BCAR3: variants seen among roughly 807,000 people sequenced by gnomAD.
The protein encoded by BCAR3 is BCAR3 adaptor protein, NSP family member.
In BCAR3, 37 loss-of-function variants were observed where a neutral mutation model predicts 80.1. The observed-to-expected ratio is 0.46, with a 90% CI of 0.36 to 0.61. The LOEUF (loss-of-function observed/expected upper bound fraction) is 0.61. Ranked by LOEUF, BCAR3 falls within the 20% of genes least tolerant of loss-of-function variation. The pLI is 0.00. For synonymous variants in BCAR3, 389 were observed against 418.9 expected, an observed-to-expected ratio of 0.93 and a Z score of 0.87; for missense variants, 978 against 1,068.2, an observed-to-expected ratio of 0.92 and a Z score of 1.18.
At chr1:93,800,042 T>G (rs183193886) in intron 2 of BCAR3, among the ~76,000 whole-genome samples, 272 of 152,286 alleles carry the variant, frequency 1.8e-3, no homozygotes, top group Non-Finnish European at 3.0e-3. Flanking sequence ...CCTATTAGAT[T>G]TTCATGCTGG....
chr1:93,634,722 A>AC (rs1008781242), intron 3 of BCAR3, among the ~76,000 whole-genome samples: 11 of 132,086 alleles, frequency 8.3e-5, no homozygotes, highest in Admixed American at 1.4e-4. Flanking sequence ...AACAACAACA[A>AC]AAAAAAAACG....
At chr1:93,608,378 C>T (rs144934667) in intron 3 of BCAR3, among the ~76,000 whole-genome samples, 70 of 152,296 alleles carry the variant, frequency 4.6e-4, no homozygotes, top group South Asian at 1.9e-3. Context: ...CCAAGATACC[C>T]ATCAGCTAAA....
At chr1:93,630,434 G>T (rs1188579497) in intron 3 of BCAR3, among the ~76,000 whole-genome samples, 1 of 151,668 alleles carries the variant, frequency 6.6e-6, no homozygotes, top group Non-Finnish European at 1.5e-5. Flanking sequence ...GACCAGCCTG[G>T]CCAACATGAT....
chr1:93,597,386 A>G (rs1309905867), intron 3 of BCAR3, among the ~76,000 whole-genome samples: 2 of 152,212 alleles, frequency 1.3e-5, no homozygotes, highest in Non-Finnish European at 2.9e-5. Context: ...TGAAAATCTG[A>G]GTCTAGCTAC....
intron 11 of BCAR3, among the ~76,000 whole-genome samples, chr1:93,564,184 A>AAG (rs1204138191): frequency 1.3e-5 from 2 of 152,146 alleles, no homozygotes; most frequent in East Asian, 3.9e-4. Context: ...ACTGAGTTGT[A>AAG]AGAGTTCTTT....
At chr1:93,643,578 A>T (rs950989899) in intron 2 of BCAR3, among the ~76,000 whole-genome samples, 2 of 149,438 alleles carry the variant, frequency 1.3e-5, no homozygotes, top group Non-Finnish European at 3.0e-5. Context: ...AAAAAAAGAA[A>T]TTTTTTTAAA....
intron 3 of BCAR3, among the ~76,000 whole-genome samples, chr1:93,633,006 C>T (rs575471684): frequency 1.3e-4 from 20 of 151,718 alleles, no homozygotes; most frequent in Non-Finnish European, 2.6e-4. Context: ...GCAACAAGAG[C>T]GAAACTCCAC....
At chr1:93,593,344 C>T (rs923431288) in intron 3 of BCAR3, among the ~76,000 whole-genome samples, 2 of 152,168 alleles carry the variant, frequency 1.3e-5, no homozygotes, top group East Asian at 3.9e-4. Context: ...TATCACACTA[C>T]TTTTTAAAAA....
chr1:93,748,690 A>G (rs1455738766), intron 2 of BCAR3, among the ~76,000 whole-genome samples: 2 of 152,216 alleles, frequency 1.3e-5, no homozygotes, highest in South Asian at 2.1e-4. Flanking sequence ...TGACCTATAT[A>G]TTCTTATTGT....
At chr1:93,666,039 C>CT (rs1488200011) in intron 2 of BCAR3, among the ~76,000 whole-genome samples, 1 of 152,216 alleles carries the variant, frequency 6.6e-6, no homozygotes, top group East Asian at 1.9e-4. Flanking sequence ...GCTCCCTGTA[C>CT]TTTTACAACC....
chr1:93,576,254 T>C, intron 7 of BCAR3, 125 bp from the exon 8 acceptor site: 1 of 698,050 alleles, frequency 1.4e-6, no homozygotes, highest in Non-Finnish European at 2.6e-6. Flanking sequence ...TACATTTCTT[T>C]ATAAGCAGCT....
intron 1 of BCAR3, chr1:93,846,901 C>T: frequency 2.3e-6 from 1 of 440,862 alleles, no homozygotes; most frequent in Non-Finnish European, 4.5e-6. Flanking sequence ...CTGTGGGGAG[C>T]GAAATGCAAC....
intron 2 of BCAR3, among the ~76,000 whole-genome samples, chr1:93,738,529 C>T (rs1019969054): frequency 8.5e-5 from 13 of 152,236 alleles, no homozygotes; most frequent in African/African-American, 2.9e-4. Context: ...CACAGAGGTC[C>T]CGGCAGAGCT....
intron 2 of BCAR3, among the ~76,000 whole-genome samples, chr1:93,658,216 G>A (rs1647483063): frequency 6.6e-6 from 1 of 152,182 alleles, no homozygotes; most frequent in African/African-American, 2.4e-5. Flanking sequence ...TAGGATTACA[G>A]GCTTGAGCCA....
rs113611495 is a variant in BCAR3 at position 93,818,669 on chromosome 1, T to C, written c.-63+26898A>G. 9.1e-4 allele frequency among the ~76,000 whole-genome samples: 139 copies of C among 152,346 alleles called. 3 individuals are homozygous for C. The highest frequency in any genetic ancestry group is 3.2e-3 in the African/African-American group (134 of 41,588). On this transcript the variant is annotated intron_variant, in intron 2 of 13. Coordinates refer to the BCAR3 transcript ENST00000370244. ...ATTTGTTTCATTATATGTCAGGCAT[T>C]ATTCTAGGTGCTGGGTATAAAGCAA...
In BCAR3 at chr1:93,571,861, C is replaced by T. The variant is rs745621369; in HGVS notation, c.1803-20G>A. 1.7e-5 allele frequency: 28 copies of T among 1,606,586 alleles called. No homozygotes were observed. The African/African-American group carries it at 1.9e-4, about 11-fold the overall frequency. ...TTGTGTCTGAAAGCCAGGAGATCAG[C>T]GGTCAGGTTCAGGGCCAATGGGACT... On this transcript the variant is annotated intron_variant, in intron 8 of 11. Transcript: ENST00000260502.
chr1:93,658,182 G>A (rs1466582899), intron 2 of BCAR3, among the ~76,000 whole-genome samples: 1 of 151,910 alleles, frequency 6.6e-6, no homozygotes, highest in Non-Finnish European at 1.5e-5. Flanking sequence ...CTCGTGATCC[G>A]CCCGCCTCGG....
intron 2 of BCAR3, among the ~76,000 whole-genome samples, chr1:93,651,656 C>G (rs1190120469): frequency 1.3e-5 from 2 of 152,126 alleles, no homozygotes; most frequent in African/African-American, 4.8e-5. Flanking sequence ...GTACAATGGC[C>G]AGCAAGTTAG....
intron 7 of BCAR3, among the ~76,000 whole-genome samples, chr1:93,578,728 A>G (rs1205483015): frequency 7.3e-6 from 1 of 136,100 alleles, no homozygotes. Context: ...GTCCCTCCCC[A>G]GCCCACCCCC....
Sources: allele counts gnomAD v4.1 joint callset (sites outside exome capture counted in the v4.1 genomes callset), GRCh38; gene constraint gnomAD v4.1.1; transcripts MANE v1.5; gene names NCBI Gene and HGNC (gene_info 2026-07-23, HGNC 2026-07-21).